Variants in GRIN2D observed in about 807,000 individuals in gnomAD.
GRIN2D encodes the protein glutamate receptor ionotropic, NMDA 2D.
GRIN2D carries 37 observed loss-of-function variants against 103.2 expected under a neutral mutation model. The observed-to-expected ratio is 0.36, with a 90% CI of 0.28 to 0.47. GRIN2D has a LOEUF of 0.47. Ranked by LOEUF, GRIN2D falls within the 20% of genes least tolerant of loss-of-function variation. The pLI is 1.00. For synonymous variants in GRIN2D, 845 were observed against 885.6 expected, an observed-to-expected ratio of 0.95 and a Z score of 0.81; for missense variants, 1,557 against 1,910.6, an observed-to-expected ratio of 0.81 and a Z score of 3.45.
At chr19:48,399,477 A>G (rs1338918934) in intron 3 of GRIN2D, among the ~76,000 whole-genome samples, 3 of 152,196 alleles carry the variant, frequency 2.0e-5, no homozygotes, top group African/African-American at 7.2e-5. Flanking sequence ...GTGAGGCAAG[A>G]GAATTGCTTG....
chr19:48,412,477 G>GAA (rs1569063275), intron 4 of GRIN2D, among the ~76,000 whole-genome samples: 1 of 149,718 alleles, frequency 6.7e-6, no homozygotes, highest in African/African-American at 2.5e-5. Context: ...AAGAAAGAAA[G>GAA]AAAGAGAGAG....
In GRIN2D at chr19:48,421,687, G is replaced by A; in HGVS notation, c.2092-98G>A. On this transcript the variant is annotated intron_variant, in intron 10 of 13. Transcript: ENST00000263269. The surrounding 1 kb of genome is among the most constrained non-coding windows in gnomAD (Gnocchi z 4.8). ...AGAAATATTGAACACTCCTGGGACT[G>A]GGGTGTCTGCCAGATAGCGGGTGTG... The A allele has an allele frequency of 1.1e-6, 1 of 951,778 alleles. No individual in the cohort carries two copies. The highest frequency in any genetic ancestry group is 1.7e-6 in the Non-Finnish European group (1 of 604,546). 59.0% of individuals were successfully genotyped at this position (951,778 alleles called of 1,614,324 possible).
In GRIN2D at chr19:48,421,520, G is replaced by T. The variant is rs113429989; in HGVS notation, c.2092-265G>T. On this transcript the variant is annotated intron_variant, in intron 10 of 13. Coordinates refer to ENST00000263269, the MANE Select transcript of GRIN2D (RefSeq NM_000836.4). This position sits in a 1 kb window ranked among gnomAD's most constrained non-coding sequence, Gnocchi z 4.8. ...CCAGCCTCTACTCCCAGGACCTCCCGCGATTCAGTAAGTGAAGACTTAACA... is the reference window on the plus strand; with the variant it reads ...CCAGCCTCTACTCCCAGGACCTCCCTCGATTCAGTAAGTGAAGACTTAACA... 3.7e-3 allele frequency among the ~76,000 whole-genome samples: 557 copies of T among 152,148 alleles called. 2 individuals are homozygous for T. The highest frequency in any genetic ancestry group is 0.017 in the Middle Eastern group (5 of 294).
intron 11 of GRIN2D, among the ~76,000 whole-genome samples, chr19:48,441,377 A>T (rs1600996228): frequency 6.6e-6 from 1 of 151,162 alleles, no homozygotes; most frequent in Admixed American, 6.6e-5. Context: ...AAAAAAAAAA[A>T]AAAAAAAAGA....
intron 4 of GRIN2D, among the ~76,000 whole-genome samples, chr19:48,413,202 T>C (rs1020561227): frequency 5.8e-5 from 7 of 121,578 alleles, no homozygotes; most frequent in African/African-American, 2.2e-4. Context: ...AAAGAGGGCA[T>C]GGTGGCTCAT....
chr19:48,442,708 G>C lies in GRIN2D; in HGVS notation c.2782G>C (p.Gly928Arg). 1 of 1,140,098 alleles carries C rather than the reference G, an allele frequency of 8.8e-7. No individual in the cohort carries two copies. The highest frequency in any genetic ancestry group is 3.7e-5 in the South Asian group (1 of 27,062). 70.6% of individuals were successfully genotyped at this position (1,140,098 alleles called of 1,614,324 possible). A position where few individuals can be genotyped will look rare whatever the true frequency, so the allele number is the denominator to read the frequency against. Residue 928 changes from glycine to arginine, a missense_variant, in exon 14 of 14, where the codon GGG (glycine) becomes CGG (arginine). Physicochemically the swap from Gly to Arg is moderately radical, Grantham distance 125. Transcript: ENST00000263269. The surrounding 1 kb of genome is among the most constrained non-coding windows in gnomAD (Gnocchi z 7.2). ...PAYPAPRPAP[G>R]PAPFVPRERA... is the part of the protein sequence containing the mutation. ...GTACCCCGCGCCGCGGCCGGCTCCCGGGCCCGCACCTTTCGTGCCCCGCGA... is the reference window on the plus strand; with the variant it reads ...GTACCCCGCGCCGCGGCCGGCTCCCCGGCCCGCACCTTTCGTGCCCCGCGA...
intron 11 of GRIN2D, among the ~76,000 whole-genome samples, chr19:48,425,404 G>A (rs772513364): frequency 6.6e-6 from 1 of 152,112 alleles, no homozygotes; most frequent in African/African-American, 2.4e-5. Flanking sequence ...ACCATCCCCG[G>A]CTAATTTTTC....
chr19:48,398,874 C>CGGGGCGGGGCCACAGGA lies in GRIN2D; in HGVS notation c.465+27_465+43dup. The stretch of plus-strand genomic sequence containing the variant: ...ACGCCCAAGGTGCGCGCGACCGGGG[C>CGGGGCGGGGCCACAGGA]GGGGCGGGGCCACAGGAGGGGCGGG... On this transcript the variant is annotated intron_variant, in intron 3 of 13. Transcript: ENST00000263269. 3 of 944,098 alleles carry CGGGGCGGGGCCACAGGA rather than the reference C, an allele frequency of 3.2e-6. No individual in the cohort carries two copies. The highest frequency in any genetic ancestry group is 3.7e-6 in the Non-Finnish European group (3 of 818,018). The allele number at this position is 944,098 out of a possible 1,614,324, so 58.5% of individuals were successfully genotyped here.
Position 48,444,190 on chromosome 19 carries a change from C to T in GRIN2D, c.*253C>T. On this transcript the variant is annotated 3_prime_UTR_variant, in exon 14 of 14. Coordinates refer to ENST00000263269, the MANE Select transcript of GRIN2D (RefSeq NM_000836.4). This position sits in a 1 kb window ranked among gnomAD's most constrained non-coding sequence, Gnocchi z 5.5. ...AGCCCACCGGACTTTTTTTTAAACC[C>T]GACAAGGGCTTTTTAACGTCACCAG... The T allele has an allele frequency of 2.7e-6, 1 of 368,182 alleles. No individual in the cohort carries two copies. The highest frequency in any genetic ancestry group is 4.9e-6 in the Non-Finnish European group (1 of 205,344). 22.8% of individuals were successfully genotyped at this position (368,182 alleles called of 1,614,324 possible). A position where few individuals can be genotyped will look rare whatever the true frequency, so the allele number is the denominator to read the frequency against.
chr19:48,422,484 G>A (rs955723520), intron 11 of GRIN2D, among the ~76,000 whole-genome samples: 7 of 151,906 alleles, frequency 4.6e-5, no homozygotes, highest in South Asian at 2.1e-4. Context: ...GGTGGCACGC[G>A]CCTGTAGTCC....
chr19:48,436,791 C>T (rs1971237515), intron 11 of GRIN2D, among the ~76,000 whole-genome samples: 1 of 152,166 alleles, frequency 6.6e-6, no homozygotes, highest in African/African-American at 2.4e-5. Context: ...TGCAAAGGCC[C>T]TGGGGCAGGA....
intron 11 of GRIN2D, among the ~76,000 whole-genome samples, chr19:48,438,424 G>A (rs771302117): frequency 4.7e-5 from 7 of 148,968 alleles, no homozygotes; most frequent in Non-Finnish European, 1.0e-4. Flanking sequence ...TCAGCCTCCT[G>A]AGTAACTGGG....
At chr19:48,422,860 G>A (rs1027507400) in intron 11 of GRIN2D, among the ~76,000 whole-genome samples, 1 of 152,128 alleles carries the variant, frequency 6.6e-6, no homozygotes, top group Non-Finnish European at 1.5e-5. Flanking sequence ...GTGAGGCGGA[G>A]ACGGGCAGAT....
intron 2 of GRIN2D, among the ~76,000 whole-genome samples, chr19:48,396,987 C>A (rs1288220395): frequency 6.6e-6 from 1 of 152,116 alleles, no homozygotes; most frequent in Non-Finnish European, 1.5e-5. Flanking sequence ...GCCTGGCTCC[C>A]AGCCCAACCA....
rs1249351540 is a variant in GRIN2D at position 48,394,002 on chromosome 19, G to C, written c.-306+134G>C. 1.3e-5 allele frequency among the ~76,000 whole-genome samples: 2 copies of C among 151,920 alleles called. No homozygotes were observed. Among genetic ancestry groups the C allele is most frequent in the Non-Finnish European group, 2.9e-5 (2 of 67,952 alleles). On this transcript the variant is annotated intron_variant, in intron 1 of 13. Coordinates refer to ENST00000263269, the MANE Select transcript of GRIN2D (RefSeq NM_000836.4). This position sits in a 1 kb window ranked among gnomAD's most constrained non-coding sequence, Gnocchi z 5.1. ...CTGAGCTGCCTGCCTGGGTGTCGTG[G>C]GGCTCCCGCTCCTTCCCCCCGGCCC...
intron 2 of GRIN2D, among the ~76,000 whole-genome samples, chr19:48,397,793 A>C (rs1036978004): frequency 1.4e-5 from 2 of 146,518 alleles, no homozygotes; most frequent in African/African-American, 5.1e-5. Context: ...CTCTGCTCCT[A>C]TCTTGATCCC....
At chr19:48,403,436 T>G (rs11668470) in intron 3 of GRIN2D, among the ~76,000 whole-genome samples, 27,686 of 152,118 alleles carry the variant, frequency 0.18, 2,692 homozygotes, top group East Asian at 0.27. Flanking sequence ...TAAATTCTAT[T>G]TAACATTTTT....
At chr19:48,422,483 C>T (rs562953138) in intron 11 of GRIN2D, among the ~76,000 whole-genome samples, 1 of 151,836 alleles carries the variant, frequency 6.6e-6, no homozygotes, top group Non-Finnish European at 1.5e-5. Context: ...TGGTGGCACG[C>T]GCCTGTAGTC....
Position 48,434,141 on chromosome 19 carries a change from G to A in GRIN2D, c.2253-7628G>A, listed in dbSNP as rs966608034. ...TTTTTTGTATTTTTTTAGTAGAGAC[G>A]GGGTTTCACCGTGTTAGCCAGGATG... On this transcript the variant is annotated intron_variant, in intron 11 of 13. Transcript: ENST00000263269. Among the ~76,000 whole-genome samples, 5 of 151,820 alleles carry A rather than the reference G, an allele frequency of 3.3e-5. No individual in the cohort carries two copies. In the South Asian group the frequency reaches 6.2e-4, roughly 19 times the overall value.
Sources: allele counts gnomAD v4.1 joint callset (sites outside exome capture counted in the v4.1 genomes callset), GRCh38; gene constraint gnomAD v4.1.1; non-coding constraint Gnocchi (gnomAD v3.1); transcripts MANE v1.5; gene names NCBI Gene and HGNC (gene_info 2026-07-23, HGNC 2026-07-21).